RHBDF2: variants seen among roughly 807,000 people sequenced by gnomAD.
RHBDF2 encodes inactive rhomboid protein 2.
Under a neutral mutation model 95.2 loss-of-function variants are expected in RHBDF2, and 38 were observed. The ratio of observed to expected loss-of-function variants is 0.40; its 90% CI spans 0.31 to 0.52. The LOEUF (loss-of-function observed/expected upper bound fraction) is 0.52. Ranked by LOEUF, RHBDF2 falls within the 20% of genes least tolerant of loss-of-function variation. RHBDF2 has a pLI of 0.56. For missense variants in RHBDF2, 863 were observed against 1,137.7 expected, an observed-to-expected ratio of 0.76 and a Z score of 3.47; for synonymous variants, 442 against 462.0, an observed-to-expected ratio of 0.96 and a Z score of 0.55.
At chr17:76,482,686 T>C (rs1434175115) in intron 2 of RHBDF2, among the ~76,000 whole-genome samples, 1 of 151,954 alleles carries the variant, frequency 6.6e-6, no homozygotes, top group Non-Finnish European at 1.5e-5. Flanking sequence ...GGCACGAGAA[T>C]TGCTTGAACC....
In RHBDF2 at chr17:76,478,922, C is replaced by T. The variant is rs376555925; in HGVS notation, c.556G>A (p.Gly186Arg). ...PHAPHPPLTP[G>R]VLSLTSFTSV... ...GTGAAGGAGGTGAGGGACAGGACTC[C>T]GGGGGTCAGCGGTGGGTGCGGGGCG... Residue 186 changes from glycine to arginine, a missense_variant, in exon 6 of 19, where the codon GGA becomes AGA. Physicochemically the swap from Gly to Arg is moderately radical, Grantham distance 125. This residue lies in a region of RHBDF2 where 611 missense variants were observed against 725.5 expected (regional missense o/e 0.84). Transcript: ENST00000675367. 1.1e-4 allele frequency: 172 copies of T among 1,606,294 alleles called. No individual in the cohort carries two copies. The highest frequency in any genetic ancestry group is 1.7e-4 in the Middle Eastern group (1 of 6,030).
At chr17:76,479,971 C>T (rs138663576) in intron 3 of RHBDF2, 117 bp from the exon 4 acceptor site, 2 of 1,418,968 alleles carry the variant, frequency 1.4e-6, no homozygotes, top group Non-Finnish European at 1.9e-6. Flanking sequence ...CTGATTTATG[C>T]CCCAATTTGC....
chr17:76,475,476 A>G (rs2073741272), intron 9 of RHBDF2, among the ~76,000 whole-genome samples: 1 of 151,986 alleles, frequency 6.6e-6, no homozygotes, highest in African/African-American at 2.4e-5. Context: ...GCCTTTGCAC[A>G]TGACATCACA....
Position 76,481,721 on chromosome 17 carries a change from G to A in RHBDF2, c.-21-176C>T, listed in dbSNP as rs559636476. ...TGTAATCCCAGCACTTTGGGAGGCCGAGGTGGGGGGATCACGAGGTCAGGA... is the reference window on the plus strand; with the variant it reads ...TGTAATCCCAGCACTTTGGGAGGCCAAGGTGGGGGGATCACGAGGTCAGGA... On this transcript the variant is annotated intron_variant, in intron 2 of 18. Coordinates refer to ENST00000675367, the MANE Select transcript of RHBDF2 (RefSeq NM_001005498.4). The A allele has an allele frequency of 1.7e-4, 82 of 483,516 alleles. 1 individual carries two copies. The South Asian group carries it at 2.0e-3, about 12-fold the overall frequency. The allele number at this position is 483,516 out of a possible 1,614,324, so 30.0% of individuals were successfully genotyped here. A position where few individuals can be genotyped will look rare whatever the true frequency, so the allele number is the denominator to read the frequency against.
chr17:76,473,041 A>C lies in RHBDF2; in HGVS notation c.1874T>G (p.Phe625Cys). The C allele has an allele frequency of 6.2e-7, 1 of 1,614,148 alleles. No homozygotes were observed. Among genetic ancestry groups the C allele is most frequent in the Non-Finnish European group, 8.5e-7 (1 of 1,180,006 alleles). Residue 625 changes from phenylalanine to cysteine, a missense_variant, in exon 17 of 19, where the codon TTC becomes TGC. Transcript: ENST00000675367. ...GAAGAGAGACAGCCAGAGCCTGTAG[A>C]ACTGATCTGGGACCTCAGGGTTGAG... Reference protein sequence around the residue: ...PFLNPEVPDQFYRLWLSLFLH... With the variant: ...PFLNPEVPDQCYRLWLSLFLH...
rs954824993 is a variant in RHBDF2, at chr17:76,474,769, C to T, written c.1263G>A (p.Lys421=). ...CCCAGAAGTTCTCCTGCTGGATGTA[C>T]TTCACGCTCTCGTACACACCTTTGT... ...LRNKGVYESV[K]YIQQENFWVG... The change falls in exon 11 of 19, where the codon AAG becomes AAA. Residue 421 remains lysine, a synonymous_variant. Transcript: ENST00000675367. The T allele has an allele frequency of 1.2e-6, 2 of 1,614,208 alleles. No individual in the cohort carries two copies. Among genetic ancestry groups the T allele is most frequent in the Non-Finnish European group, 1.7e-6 (2 of 1,180,028 alleles).
At chr17:76,477,153 G>C (rs1431809716) in intron 8 of RHBDF2, 27 bp downstream of exon 8, 9 of 1,611,122 alleles carry the variant, frequency 5.6e-6, no homozygotes, top group Non-Finnish European at 7.6e-6. Context: ...GGCTGGCCTG[G>C]AGGAGGGACT....
At chr17:76,477,394 G>T in intron 7 of RHBDF2, 96 bp from the exon 8 acceptor site, 1 of 1,418,486 alleles carries the variant, frequency 7.0e-7, no homozygotes, top group South Asian at 1.4e-5. Flanking sequence ...CTGAACAGAC[G>T]GGCTCTTCAC....
intron 12 of RHBDF2, 99 bp downstream of exon 12, chr17:76,474,274 G>A: frequency 7.0e-7 from 1 of 1,422,500 alleles, no homozygotes; most frequent in East Asian, 2.3e-5. Flanking sequence ...AGGTGGGGCG[G>A]GGAGGAGGGA....
At chr17:76,493,423 T>G (rs1179374972) in intron 1 of RHBDF2, among the ~76,000 whole-genome samples, 3 of 152,106 alleles carry the variant, frequency 2.0e-5, no homozygotes, top group Non-Finnish European at 4.4e-5. Context: ...GGGCCTCACG[T>G]AGCCAGTGAC....
intron 1 of RHBDF2, among the ~76,000 whole-genome samples, chr17:76,494,700 C>T (rs939925680): frequency 1.3e-5 from 2 of 152,124 alleles, no homozygotes; most frequent in African/African-American, 2.4e-5. Flanking sequence ...TGAAGTGAGC[C>T]GAGATCACGC....
At chr17:76,490,783 G>A (rs908078698) in intron 1 of RHBDF2, among the ~76,000 whole-genome samples, 2 of 152,170 alleles carry the variant, frequency 1.3e-5, no homozygotes, top group African/African-American at 4.8e-5. Flanking sequence ...CTGAAGCGCT[G>A]CGCCTGGCAC....
chr17:76,473,823 C>T lies in RHBDF2; in HGVS notation c.1638+16G>A, dbSNP rs376102258. On this transcript the variant is annotated intron_variant, in intron 14 of 18. Coordinates refer to ENST00000675367, the MANE Select transcript of RHBDF2 (RefSeq NM_001005498.4). ...TCCCTGACCTTCCCAGACCACTCCC[C>T]GCCAGGGACACTCACCGGCCACTTA... is the stretch of plus-strand genomic sequence containing the variant. 15 of 1,613,796 alleles carry T rather than the reference C, an allele frequency of 9.3e-6. No individual in the cohort carries two copies. The highest frequency in any genetic ancestry group is 5.5e-5 in the South Asian group (5 of 91,080).
In RHBDF2 at chr17:76,481,429, C is replaced by T. The variant is rs759640661; in HGVS notation, c.96G>A (p.Pro32=). ...GGGCCTGGGTCTCTTTCTCGGGTGG[C>T]GGGATGGTGATGGAGAGGTTGGGTG... ...RKPPNLSITI[P]PPEKETQAPG... Residue 32 remains proline, a synonymous_variant, in exon 3 of 19, where the codon CCG becomes CCA. Coordinates refer to ENST00000675367, the MANE Select transcript of RHBDF2 (RefSeq NM_001005498.4). 36 of 1,612,774 alleles carry T rather than the reference C, an allele frequency of 2.2e-5. 1 individual carries two copies. In the Admixed American group the frequency reaches 3.0e-4, roughly 13 times the overall value.
Position 76,475,071 on chromosome 17 carries a change from T to C in RHBDF2, c.1186A>G (p.Ile396Val), listed in dbSNP as rs1161604657. The C allele has an allele frequency of 6.3e-7, 1 of 1,598,158 alleles. No individual in the cohort carries two copies. Among genetic ancestry groups the C allele is most frequent in the African/African-American group, 1.3e-5 (1 of 74,952 alleles). ...TGCTGGGCAAAGCCCACGGGTGCGA[T>C]GCCATACGTGCAAATCACCAGCAGC... is the stretch of plus-strand genomic sequence containing the variant. ...ITLLVICTYG[I>V]APVGFAQHVT... Residue 396 changes from isoleucine (I) to valine (V), a missense_variant, in exon 10 of 19, where the codon ATC becomes GTC. Around this residue, in one of 2 missense-constraint regions of RHBDF2, gnomAD observed 611 missense variants for 725.5 expected, o/e 0.84. Transcript: ENST00000675367.
At position 76,471,384 on chromosome 17, in the gene RHBDF2, G is replaced by A. The variant is rs903514931; in HGVS notation, c.*249C>T. 1.9e-6 allele frequency: 1 copy of A among 520,696 alleles called. No homozygotes were observed. Among genetic ancestry groups the A allele is most frequent in the African/African-American group, 1.9e-5 (1 of 52,780 alleles). 32.3% of individuals were successfully genotyped at this position (520,696 alleles called of 1,614,324 possible). A position where few individuals can be genotyped will look rare whatever the true frequency, so the allele number is the denominator to read the frequency against. ...GGAACTGAGACCCAAGACTCAGAGA[G>A]GCAGGTGCCTTGGGTGTGCCTGAGC... On this transcript the variant is annotated 3_prime_UTR_variant, in exon 19 of 19. Coordinates refer to ENST00000675367, the MANE Select transcript of RHBDF2 (RefSeq NM_001005498.4).
At chr17:76,499,052 A>G (rs762968587) in intron 1 of RHBDF2, among the ~76,000 whole-genome samples, 1 of 152,110 alleles carries the variant, frequency 6.6e-6, no homozygotes, top group Non-Finnish European at 1.5e-5. Flanking sequence ...GTCCCTTGAG[A>G]GGCTCACAGC....
At position 76,472,779 on chromosome 17, in the gene RHBDF2, C is replaced by T; in HGVS notation, c.1971G>A (p.Lys657=). 1 of 1,611,090 alleles carries T rather than the reference C, an allele frequency of 6.2e-7. No individual in the cohort carries two copies. Among genetic ancestry groups the T allele is most frequent in the South Asian group, 1.1e-5 (1 of 90,586 alleles). ...TGGCGATACGGTGCCAGCCGGCCAG[C>T]TTCTCCAGGTCCCTCAGGATGGTCA... The part of the protein sequence containing the change: ...FQMTILRDLE[K]LAGWHRIAII... The change falls in exon 18 of 19, where the codon AAG becomes AAA. Residue 657 remains lysine (K), a synonymous_variant. Coordinates refer to ENST00000675367, the MANE Select transcript of RHBDF2 (RefSeq NM_001005498.4).
chr17:76,496,405 G>A (rs190732993), intron 1 of RHBDF2, among the ~76,000 whole-genome samples: 77 of 152,302 alleles, frequency 5.1e-4, no homozygotes, highest in Admixed American at 1.2e-3. Flanking sequence ...CCCAGCCAGG[G>A]TCCCGCGCTC....
Sources: allele counts gnomAD v4.1 joint callset (sites outside exome capture counted in the v4.1 genomes callset), GRCh38; gene constraint gnomAD v4.1.1; regional missense constraint gnomAD v4.1.1; transcripts MANE v1.5; gene names NCBI Gene and HGNC (gene_info 2026-07-23, HGNC 2026-07-21).